The following MDGA1 variants were observed in gnomAD, a reference collection of about 807,000 sequenced individuals.
MDGA1 encodes the protein MAM domain-containing glycosylphosphatidylinositol anchor protein 1.
In MDGA1, 54 loss-of-function variants were observed where a neutral mutation model predicts 101.5. The ratio of observed to expected loss-of-function variants is 0.53; its 90% CI spans 0.43 to 0.67. The LOEUF is 0.67. Among genes scored for constraint, MDGA1 ranks in the 30% least tolerant of loss-of-function variants. The pLI is 0.00. For synonymous variants in MDGA1, 533 were observed against 558.3 expected (o/e 0.95, Z 0.64); for missense variants, 1,083 against 1,323.8 (o/e 0.82, Z 2.82).
intron 1 of MDGA1, among the ~76,000 whole-genome samples, chr6:37,670,448 T>A (rs1450246166): frequency 1.3e-5 from 2 of 152,160 alleles, no homozygotes; most frequent in African/African-American, 4.8e-5. Context: ...TCCCCGAGCA[T>A]CCCCCTTCTC....
Position 37,697,063 on chromosome 6 carries a change from C to T in MDGA1, c.-252G>A, listed in dbSNP as rs1762437956. On this transcript the variant is annotated 5_prime_UTR_variant, in exon 1 of 17. Transcript: ENST00000434837. ...GCCCCGGGTGCCTCGGCGCGCCCGGCACAGCAGCCAGCGCCCCGACCCGAG... is the reference window on the plus strand; with the variant it reads ...GCCCCGGGTGCCTCGGCGCGCCCGGTACAGCAGCCAGCGCCCCGACCCGAG... The T allele has an allele frequency of 5.3e-6, 2 of 379,518 alleles. No individual in the cohort carries two copies. The highest frequency in any genetic ancestry group is 2.3e-4 in the South Asian group (2 of 8,582). The allele number at this position is 379,518 out of a possible 1,614,324, so 23.5% of individuals were successfully genotyped here.
At chr6:37,654,681 G>A (rs1761442148) in intron 5 of MDGA1, 119 bp downstream of exon 5, 1 of 1,536,362 alleles carries the variant, frequency 6.5e-7, no homozygotes, top group African/African-American at 1.4e-5. Context: ...GCAGGAAGAG[G>A]AGGGGAGGGG....
rs116451339 is a variant in MDGA1, at chr6:37,683,575, G to C, written c.67+13170C>G. ...AGAGCTTGCGCTGCCTGTGTGTGCA[G>C]TGGTTTAGGAGTACCGGGAATTAAC... On this transcript the variant is annotated intron_variant, in intron 1 of 16. Transcript: ENST00000434837. 2.1e-3 allele frequency among the ~76,000 whole-genome samples: 319 copies of C among 152,362 alleles called. 2 individuals are homozygous for C. Among genetic ancestry groups the C allele is most frequent in the African/African-American group, 7.5e-3 (310 of 41,588 alleles).
rs1482518187 is a variant in MDGA1 at position 37,658,425 on chromosome 6, C to T, written c.208-6G>A. ...GCCGTCTTGGTCCACCGTACCTGGG[C>T]CGCCAGGCGGGGCAGAGTCAGACTG... On this transcript the variant is annotated splice_region_variant and splice_polypyrimidine_tract_variant and intron_variant, in intron 2 of 16. Coordinates refer to ENST00000434837, the MANE Select transcript of MDGA1 (RefSeq NM_153487.4). The T allele has an allele frequency of 6.9e-6, 11 of 1,601,788 alleles. No individual in the cohort carries two copies. The highest frequency in any genetic ancestry group is 9.4e-6 in the Non-Finnish European group (11 of 1,173,934).
In MDGA1 at chr6:37,655,387, A is replaced by G. The variant is rs1761460618; in HGVS notation, c.579+313T>C. The G allele has an allele frequency of 2.9e-6, 1 of 349,686 alleles. No individual in the cohort carries two copies. The allele number at this position is 349,686 out of a possible 1,614,324, so 21.7% of individuals were successfully genotyped here. On this transcript the variant is annotated intron_variant, in intron 4 of 16. Coordinates refer to ENST00000434837, the MANE Select transcript of MDGA1 (RefSeq NM_153487.4). The surrounding 1 kb of genome is among the most constrained non-coding windows in gnomAD (Gnocchi z 5.1). Reference sequence around the variant, plus strand: ...CCCCCAGATCCTGCTGTGCCTGGCCACAGGTTCCCAATACTCTGCCACCCA... The same window carrying G: ...CCCCCAGATCCTGCTGTGCCTGGCCGCAGGTTCCCAATACTCTGCCACCCA...
chr6:37,674,998 A>G (rs1039267431), intron 1 of MDGA1, among the ~76,000 whole-genome samples: 22 of 152,344 alleles, frequency 1.4e-4, no homozygotes, highest in Admixed American at 3.9e-4. Context: ...TGGAGGTTGC[A>G]GTGGGCCGAG....
intron 1 of MDGA1, among the ~76,000 whole-genome samples, chr6:37,669,158 T>C (rs1761818982): frequency 6.6e-6 from 1 of 152,198 alleles, no homozygotes; most frequent in South Asian, 2.1e-4. Context: ...GAGAACTTTC[T>C]TGGGGAGAAG....
At chr6:37,677,835 C>T (rs1762013769) in intron 1 of MDGA1, among the ~76,000 whole-genome samples, 5 of 152,186 alleles carry the variant, frequency 3.3e-5, no homozygotes, top group Admixed American at 3.3e-4. Context: ...CACAGCCTGG[C>T]AGACTCTGAC....
chr6:37,664,209 C>A, intron 1 of MDGA1, 103 bp from the exon 2 acceptor site: 5 of 1,431,020 alleles, frequency 3.5e-6, no homozygotes, highest in Non-Finnish European at 3.8e-6. Flanking sequence ...CAGCCCAGAT[C>A]TCCCCAGGCC....
At chr6:37,644,419 T>C (rs945674745) in intron 13 of MDGA1, 78 bp downstream of exon 13, 12 of 1,377,286 alleles carry the variant, frequency 8.7e-6, no homozygotes, top group Non-Finnish European at 1.1e-5. Flanking sequence ...TCTCCCTTCA[T>C]CCCCAGTCTG....
At chr6:37,672,833 T>C (rs1309712761) in intron 1 of MDGA1, among the ~76,000 whole-genome samples, 2 of 152,072 alleles carry the variant, frequency 1.3e-5, no homozygotes, top group Non-Finnish European at 2.9e-5. Flanking sequence ...AGGGAAGCAG[T>C]AGCTAGAAAA....
rs370933566 is a variant in MDGA1 at position 37,642,249 on chromosome 6, G to A, written c.2536+1560C>T. Among the ~76,000 whole-genome samples the A allele has an allele frequency of 6.7e-4, 97 of 145,330 alleles. No individual in the cohort carries two copies. The South Asian group carries it at 0.015, about 23-fold the overall frequency. On this transcript the variant is annotated intron_variant, in intron 14 of 16. Coordinates refer to ENST00000434837, the MANE Select transcript of MDGA1 (RefSeq NM_153487.4). ...GCTGGGAGTGCAGTGGCGTGATCTC[G>A]GCTCACGGCAACCTCCACCTCCTGG... is the stretch of plus-strand genomic sequence containing the variant.
At chr6:37,682,736 T>A (rs754510587) in intron 1 of MDGA1, among the ~76,000 whole-genome samples, 1 of 152,208 alleles carries the variant, frequency 6.6e-6, no homozygotes, top group African/African-American at 2.4e-5. Context: ...CTCTGCTGTA[T>A]CCTCAGCACC....
rs538018915 is a variant in MDGA1, at chr6:37,670,894, G to A, written c.68-6788C>T. Among the ~76,000 whole-genome samples the A allele has an allele frequency of 2.5e-4, 38 of 152,330 alleles. No individual in the cohort carries two copies. The South Asian group carries it at 7.3e-3, about 29-fold the overall frequency. The stretch of plus-strand genomic sequence containing the variant: ...CACTCACTGAGACAGCAGCACAGCC[G>A]AGACTCAAACCCAGGCCTTCCACCT... On this transcript the variant is annotated intron_variant, in intron 1 of 16. Coordinates refer to ENST00000434837, the MANE Select transcript of MDGA1 (RefSeq NM_153487.4).
Position 37,651,867 on chromosome 6 carries a change from G to A in MDGA1, c.1312+144C>T. On this transcript the variant is annotated intron_variant, in intron 7 of 16. Coordinates refer to ENST00000434837, the MANE Select transcript of MDGA1 (RefSeq NM_153487.4). ...GCACAGTGCCTGGCATATTAACAGG[G>A]ACTCAATAAAAGCACGTGGCATGAA... 3 of 668,734 alleles carry A rather than the reference G, an allele frequency of 4.5e-6. No individual in the cohort carries two copies. In the South Asian group the frequency reaches 5.8e-5, roughly 13 times the overall value. 41.4% of individuals were successfully genotyped at this position (668,734 alleles called of 1,614,324 possible).
At chr6:37,649,690 G>A (rs1364464722) in intron 8 of MDGA1, among the ~76,000 whole-genome samples, 2 of 152,152 alleles carry the variant, frequency 1.3e-5, no homozygotes, top group African/African-American at 4.8e-5. Context: ...TTGTAAAAAT[G>A]GGGGAATAAT....
In MDGA1 at chr6:37,696,667, C is replaced by T; in HGVS notation, c.67+78G>A. The T allele has an allele frequency of 7.1e-7, 1 of 1,404,982 alleles. No homozygotes were observed. The highest frequency in any genetic ancestry group is 1.2e-5 in the South Asian group (1 of 80,898). The allele number at this position is 1,404,982 out of a possible 1,614,324, so 87.0% of individuals were successfully genotyped here. ...CCGAGTCGAGGTCTCCACCAAACCCCGGCAGCGCGCACTTTGCGCCTCTTG... is the reference window on the plus strand; with the variant it reads ...CCGAGTCGAGGTCTCCACCAAACCCTGGCAGCGCGCACTTTGCGCCTCTTG... On this transcript the variant is annotated intron_variant, in intron 1 of 16. Transcript: ENST00000434837. The surrounding 1 kb of genome is among the most constrained non-coding windows in gnomAD (Gnocchi z 5.6).
In MDGA1 at chr6:37,650,406, C is replaced by G; in HGVS notation, c.1313-1G>C. 1 of 1,537,008 alleles carries G rather than the reference C, an allele frequency of 6.5e-7. No individual in the cohort carries two copies. The highest frequency in any genetic ancestry group is 8.8e-7 in the Non-Finnish European group (1 of 1,139,372). On this transcript the variant is annotated splice_acceptor_variant, in intron 7 of 16. Coordinates refer to ENST00000434837, the MANE Select transcript of MDGA1 (RefSeq NM_153487.4). LOFTEE classifies it high-confidence loss of function. ...TTGGGCACACTGATGGTGGGCGGCA[C>G]TGTGGGGGTGATGGTGATCAGCGGA... is the stretch of plus-strand genomic sequence containing the variant.
intron 3 of MDGA1, among the ~76,000 whole-genome samples, chr6:37,657,525 G>C (rs1761518768): frequency 6.6e-6 from 1 of 152,206 alleles, no homozygotes; most frequent in Admixed American, 6.5e-5. Context: ...AGCTGATGAG[G>C]GACAGAAGAG....
Sources: allele counts gnomAD v4.1 joint callset (sites outside exome capture counted in the v4.1 genomes callset), GRCh38; gene constraint gnomAD v4.1.1; non-coding constraint Gnocchi (gnomAD v3.1); transcripts MANE v1.5; gene names NCBI Gene and HGNC (gene_info 2026-07-23, HGNC 2026-07-21).